Variants in CCNB1IP1 observed in about 807,000 individuals in gnomAD.
The protein encoded by CCNB1IP1 is cyclin B1 interacting protein 1, also known as E3 ubiquitin-protein ligase CCNB1IP1.
CCNB1IP1 carries 14 observed loss-of-function variants against 25.6 expected under a neutral mutation model. The observed-to-expected ratio is 0.55, with a 90% CI of 0.36 to 0.85. The LOEUF (loss-of-function observed/expected upper bound fraction) is 0.85. CCNB1IP1 is among the 40% of genes least tolerant of loss of function. CCNB1IP1 has a pLI of 0.01. For synonymous variants in CCNB1IP1, 119 were observed against 116.1 expected, an observed-to-expected ratio of 1.02 and a Z score of -0.16; for missense variants, 278 against 342.4, an observed-to-expected ratio of 0.81 and a Z score of 1.48.
intron 5 of CCNB1IP1, chr14:20,315,367 A>C: frequency 2.1e-6 from 1 of 471,868 alleles, no homozygotes. Context: ...TTGGAAGACA[A>C]TTTGGCAGTT....
At chr14:20,322,714 C>G (rs1036618696) in intron 4 of CCNB1IP1, among the ~76,000 whole-genome samples, 3 of 151,662 alleles carry the variant, frequency 2.0e-5, no homozygotes, top group Admixed American at 6.6e-5. Context: ...TCTCCACCTC[C>G]CGGGTTCAAG....
In CCNB1IP1 at chr14:20,311,707, C is replaced by T. The variant is rs746765815; in HGVS notation, c.677G>A (p.Arg226Gln). 1.1e-5 allele frequency: 17 copies of T among 1,613,812 alleles called. No individual in the cohort carries two copies. The South Asian group carries it at 1.3e-4, about 13-fold the overall frequency. The change falls in exon 7 of 7, where the codon CGG (arginine) becomes CAG (glutamine). Residue 226 changes from arginine (R) to glutamine (Q), a missense_variant. Coordinates refer to ENST00000358932, the MANE Select transcript of CCNB1IP1 (RefSeq NM_021178.5). Reference sequence around the variant, plus strand: ...CTGAAAATCTCCATCTCCATCGCCCCGATTTCGAACAGGTGTATTATCCAA... The same window carrying T: ...CTGAAAATCTCCATCTCCATCGCCCTGATTTCGAACAGGTGTATTATCCAA... ...FPLDNTPVRN[R>Q]GDGDGDFQFR... is the part of the protein sequence containing the mutation.
intron 4 of CCNB1IP1, among the ~76,000 whole-genome samples, chr14:20,321,780 A>G (rs1390045549): frequency 6.6e-6 from 1 of 152,202 alleles, no homozygotes; most frequent in African/African-American, 2.4e-5. Context: ...TCTGGCCAAC[A>G]CAAGTTATTA....
chr14:20,321,138 A>G (rs1272809327), intron 4 of CCNB1IP1, among the ~76,000 whole-genome samples: 2 of 29,806 alleles, frequency 6.7e-5, no homozygotes, highest in African/African-American at 4.1e-4. Context: ...CTCCGTCTCA[A>G]AAAAAAAAAA....
chr14:20,331,435 T>C (rs1056879483), intron 1 of CCNB1IP1, among the ~76,000 whole-genome samples: 4 of 152,172 alleles, frequency 2.6e-5, no homozygotes, highest in Non-Finnish European at 5.9e-5. Flanking sequence ...AAGTTTAGAG[T>C]ATTGATTGGT....
intron 1 of CCNB1IP1, among the ~76,000 whole-genome samples, chr14:20,332,026 A>ATTTT (rs57345952): frequency 2.9e-4 from 12 of 40,744 alleles, no homozygotes; most frequent in African/African-American, 4.4e-4. Flanking sequence ...ATATATATAT[A>ATTTT]TTTTTTTTTT....
intron 1 of CCNB1IP1, among the ~76,000 whole-genome samples, chr14:20,329,885 A>G (rs76151206): frequency 0.015 from 2,255 of 151,966 alleles, 42 homozygotes; most frequent in Non-Finnish European, 0.018. Flanking sequence ...AAGTTATGCA[A>G]CTTCTCTAAA....
rs74717577 is a variant in CCNB1IP1 at position 20,315,962 on chromosome 14, AAG to A, written c.297+263_297+264del. ...TGTGTGTTATCTTACTTTTATACAG[AAG>A]AGAGAGAGAGTGTGTGAGTGTGTGT... On this transcript the variant is annotated intron_variant, in intron 5 of 6. Coordinates refer to ENST00000358932, the MANE Select transcript of CCNB1IP1 (RefSeq NM_021178.5). 5.8e-4 allele frequency: 266 copies of A among 461,346 alleles called. 1 individual carries two copies. The highest frequency in any genetic ancestry group is 8.1e-4 in the East Asian group (19 of 23,380). 28.6% of individuals were successfully genotyped at this position (461,346 alleles called of 1,614,324 possible). A position where few individuals can be genotyped will look rare whatever the true frequency, so the allele number is the denominator to read the frequency against.
intron 5 of CCNB1IP1, chr14:20,315,364 A>G (rs1355761378): frequency 2.3e-6 from 1 of 435,966 alleles, no homozygotes; most frequent in Admixed American, 5.4e-5. Context: ...ACTTTGGAAG[A>G]CAATTTGGCA....
intron 1 of CCNB1IP1, among the ~76,000 whole-genome samples, chr14:20,332,328 C>G (rs552768469): frequency 1.2e-4 from 19 of 152,214 alleles, no homozygotes; most frequent in African/African-American, 3.6e-4. Context: ...ATATCCAACA[C>G]AAACATCACA....
chr14:20,325,370 G>A (rs539489251), intron 4 of CCNB1IP1, among the ~76,000 whole-genome samples, 169 bp downstream of exon 4: 11 of 147,112 alleles, frequency 7.5e-5, no homozygotes, highest in Admixed American at 5.4e-4. Flanking sequence ...GCAGTGAGCC[G>A]AGATCCCGCC....
In CCNB1IP1 at chr14:20,329,207, G is replaced by A. The variant is rs1883165134; in HGVS notation, c.-264C>T. Reference sequence around the variant, plus strand: ...AAGAGAACTTAAGGCAGCTTATCTTGATCAAAATTCAAGTACCAGGCTTTA... The same window carrying A: ...AAGAGAACTTAAGGCAGCTTATCTTAATCAAAATTCAAGTACCAGGCTTTA... On this transcript the variant is annotated 5_prime_UTR_variant, in exon 2 of 7. An upstream open reading frame in the 5' UTR gains an earlier in-frame stop. Transcript: ENST00000358932. 1 of 152,172 alleles carries A rather than the reference G, an allele frequency of 6.6e-6. No individual in the cohort carries two copies. Among genetic ancestry groups the A allele is most frequent in the African/African-American group, 2.4e-5 (1 of 41,434 alleles). The allele number at this position is 152,172 out of a possible 1,614,324, so 9.4% of individuals were successfully genotyped here.
At chr14:20,318,888 G>A (rs1566401563) in intron 4 of CCNB1IP1, among the ~76,000 whole-genome samples, 3 of 152,170 alleles carry the variant, frequency 2.0e-5, no homozygotes, top group Admixed American at 2.0e-4. Flanking sequence ...TCAGCCTCCC[G>A]AGTGGCTGGG....
At chr14:20,325,435 A>AAAAAGG (rs1883046049) in intron 4 of CCNB1IP1, 104 bp downstream of exon 4, 1 of 151,396 alleles carries the variant, frequency 6.6e-6, no homozygotes, top group Non-Finnish European at 1.5e-5. Flanking sequence ...AAAAAAAAAA[A>AAAAAGG]GTGAAATTTA....
chr14:20,311,920 T>TA (rs1459430017), intron 6 of CCNB1IP1, among the ~76,000 whole-genome samples, 168 bp from the exon 7 acceptor site: 2 of 152,214 alleles, frequency 1.3e-5, no homozygotes, highest in Non-Finnish European at 2.9e-5. Flanking sequence ...AGAATTTTTT[T>TA]AAAAAAACAT....
At chr14:20,316,144 A>G in intron 5 of CCNB1IP1, 83 bp downstream of exon 5, 2 of 1,206,482 alleles carry the variant, frequency 1.7e-6, no homozygotes, top group Non-Finnish European at 2.3e-6. Flanking sequence ...AAAATTAATA[A>G]TAATACAATG....
intron 4 of CCNB1IP1, chr14:20,320,530 C>T (rs530156593): frequency 1.8e-5 from 6 of 324,826 alleles, no homozygotes; most frequent in South Asian, 1.5e-4. Context: ...GACAAAACTA[C>T]TCAGAATAAC....
intron 4 of CCNB1IP1, among the ~76,000 whole-genome samples, chr14:20,320,864 G>A (rs1192672030): frequency 1.4e-5 from 2 of 147,820 alleles, no homozygotes; most frequent in East Asian, 2.0e-4. Context: ...CAGGCCAGGC[G>A]CAATGGCTCA....
At position 20,311,419 on chromosome 14, in the gene CCNB1IP1, C is replaced by A; in HGVS notation, c.*131G>T. On this transcript the variant is annotated 3_prime_UTR_variant, in exon 7 of 7. Coordinates refer to ENST00000358932, the MANE Select transcript of CCNB1IP1 (RefSeq NM_021178.5). ...TTTTTTTTAGAAACAGGGTCTCACT[C>A]TGTTGCCCAGGCTGGAGTGCAGTGG... The A allele has an allele frequency of 1.4e-6, 1 of 695,458 alleles. No individual in the cohort carries two copies. Among genetic ancestry groups the A allele is most frequent in the Non-Finnish European group, 2.5e-6 (1 of 398,142 alleles). 43.1% of individuals were successfully genotyped at this position (695,458 alleles called of 1,614,324 possible).
Sources: gnomAD v4.1 joint callset for allele counts (sites outside exome capture counted in the v4.1 genomes callset) on GRCh38, gnomAD v4.1.1 for gene constraint, MANE v1.5 for transcripts, NCBI Gene and HGNC (gene_info 2026-07-23, HGNC 2026-07-21) for gene names.